Variants in CTNNA2 observed in about 807,000 individuals in gnomAD.
The protein encoded by CTNNA2 is catenin alpha-2.
Under a neutral mutation model 101.0 loss-of-function variants are expected in CTNNA2, and 42 were observed. That is an observed-to-expected ratio of 0.42 (90% CI 0.32 to 0.54). The LOEUF (loss-of-function observed/expected upper bound fraction) is 0.54. Among genes scored for constraint, CTNNA2 ranks in the 20% least tolerant of loss-of-function variants. The probability of loss-of-function intolerance (pLI) is 0.14; values close to 1 mark genes in which losing one functional copy is unlikely to be tolerated. For synonymous variants in CTNNA2, 450 were observed against 456.4 expected (o/e 0.99, Z 0.18); for missense variants, 871 against 1,223.1 (o/e 0.71, Z 4.29).
intron 7 of CTNNA2, among the ~76,000 whole-genome samples, chr2:79,923,210 T>G (rs1686792011): frequency 6.6e-6 from 1 of 152,118 alleles, no homozygotes; most frequent in South Asian, 2.1e-4. Flanking sequence ...AGAATTGGCT[T>G]CAGTATCTAG....
chr2:80,138,472 G>A (rs1258439663), intron 7 of CTNNA2, among the ~76,000 whole-genome samples: 1 of 152,114 alleles, frequency 6.6e-6, no homozygotes, highest in African/African-American at 2.4e-5. Flanking sequence ...CATTAAGCAT[G>A]GAGAATAGTG....
At chr2:80,137,304 A>C (rs962378569) in intron 7 of CTNNA2, among the ~76,000 whole-genome samples, 1 of 152,164 alleles carries the variant, frequency 6.6e-6, no homozygotes, top group Non-Finnish European at 1.5e-5. Context: ...AGTTATAGGC[A>C]ATTGAATTTG....
rs147385514 is a variant in CTNNA2 at position 79,701,651 on chromosome 2, G to A, written c.103-42736G>A. Among the ~76,000 whole-genome samples the A allele has an allele frequency of 1.9e-3, 288 of 152,274 alleles. 1 individual carries two copies. Among genetic ancestry groups the A allele is most frequent in the African/African-American group, 5.1e-3 (213 of 41,562 alleles). On this transcript the variant is annotated intron_variant, in intron 2 of 18. Coordinates refer to ENST00000402739, the MANE Select transcript of CTNNA2 (RefSeq NM_001282597.3). ...CTCAAGCCCAGTCATGAGGGAGACCGGAAGGCATCTCAGGGAAGTTAATGA... is the reference window on the plus strand; with the variant it reads ...CTCAAGCCCAGTCATGAGGGAGACCAGAAGGCATCTCAGGGAAGTTAATGA...
chr2:79,666,024 T>C (rs1434234728), intron 2 of CTNNA2, among the ~76,000 whole-genome samples: 3 of 152,226 alleles, frequency 2.0e-5, no homozygotes, highest in African/African-American at 7.2e-5. Flanking sequence ...CTTCTCAAGC[T>C]TGTTTTTATC....
chr2:79,882,531 T>C (rs933361750), intron 6 of CTNNA2, among the ~76,000 whole-genome samples: 1 of 152,196 alleles, frequency 6.6e-6, no homozygotes, highest in Non-Finnish European at 1.5e-5. Context: ...GGGGAACAAG[T>C]CTTGGGACCA....
chr2:79,797,062 T>C (rs1483337541), intron 3 of CTNNA2, among the ~76,000 whole-genome samples: 3 of 152,222 alleles, frequency 2.0e-5, no homozygotes, highest in Admixed American at 6.5e-5. Context: ...TCTTTAAAAG[T>C]ACCTTTCAAA....
intron 2 of CTNNA2, among the ~76,000 whole-genome samples, chr2:79,205,299 G>A (rs183247986): frequency 1.3e-5 from 2 of 152,318 alleles, no homozygotes; most frequent in East Asian, 3.9e-4. Context: ...GGACATGAGA[G>A]AAAAAGCTTC....
chr2:80,462,866 C>G (rs1287750021), intron 9 of CTNNA2, among the ~76,000 whole-genome samples: 2 of 151,978 alleles, frequency 1.3e-5, no homozygotes, highest in African/African-American at 4.8e-5. Flanking sequence ...TATGAATTCC[C>G]TATCCCTACC....
intron 7 of CTNNA2, among the ~76,000 whole-genome samples, chr2:80,332,649 A>G (rs552464604): frequency 1.3e-5 from 2 of 152,360 alleles, no homozygotes; most frequent in Admixed American, 6.5e-5. Context: ...AACATTTAAG[A>G]AATCAAAGCC....
chr2:80,603,378 C>T (rs1697722441), intron 15 of CTNNA2, among the ~76,000 whole-genome samples: 1 of 151,994 alleles, frequency 6.6e-6, no homozygotes, highest in South Asian at 2.1e-4. Context: ...GGTTTGGAAG[C>T]ACAAAAACAT....
intron 7 of CTNNA2, among the ~76,000 whole-genome samples, chr2:80,306,995 G>C (rs1425841279): frequency 6.6e-6 from 1 of 150,956 alleles, no homozygotes; most frequent in Non-Finnish European, 1.5e-5. Flanking sequence ...TTCTAAGTGT[G>C]CTACTCAAAA....
chr2:79,836,439 A>G (rs1679370383), intron 3 of CTNNA2, among the ~76,000 whole-genome samples: 1 of 152,214 alleles, frequency 6.6e-6, no homozygotes, highest in Non-Finnish European at 1.5e-5. Context: ...TATTTAGATG[A>G]ATCATTTCAC....
upstream of CTNNA2, among the ~76,000 whole-genome samples, chr2:79,508,479 T>C (rs1452736240): frequency 6.6e-6 from 1 of 152,094 alleles, no homozygotes; most frequent in African/African-American, 2.4e-5. Context: ...ATGAGAGAGA[T>C]ACAATTACTA....
chr2:80,348,120 G>T (rs1672941377), intron 7 of CTNNA2, among the ~76,000 whole-genome samples: 1 of 152,096 alleles, frequency 6.6e-6, no homozygotes, highest in African/African-American at 2.4e-5. Flanking sequence ...GACAATTTCT[G>T]AAACAGACTT....
At chr2:80,394,547 C>A (rs1053673198) in intron 8 of CTNNA2, among the ~76,000 whole-genome samples, 1 of 152,174 alleles carries the variant, frequency 6.6e-6, no homozygotes, top group Non-Finnish European at 1.5e-5. Context: ...ATGGCCAGGT[C>A]TCTATCTCTT....
intron 3 of CTNNA2, among the ~76,000 whole-genome samples, chr2:79,358,853 C>T (rs557913491): frequency 3.9e-5 from 6 of 152,300 alleles, no homozygotes; most frequent in Admixed American, 2.0e-4. Flanking sequence ...GTTTTCCATA[C>T]ACTTCCAATC....
chr2:80,173,399 A>G (rs1705194074), intron 7 of CTNNA2, among the ~76,000 whole-genome samples: 1 of 152,264 alleles, frequency 6.6e-6, no homozygotes, highest in African/African-American at 2.4e-5. Context: ...GCATGACTGT[A>G]TCAGTCAGAA....
At chr2:80,410,453 A>G (rs1679466353) in intron 8 of CTNNA2, among the ~76,000 whole-genome samples, 1 of 152,226 alleles carries the variant, frequency 6.6e-6, no homozygotes, top group African/African-American at 2.4e-5. Flanking sequence ...GTCTTATGCA[A>G]TTAATATTCC....
At chr2:79,801,744 C>A (rs1454279986) in intron 3 of CTNNA2, among the ~76,000 whole-genome samples, 1 of 152,090 alleles carries the variant, frequency 6.6e-6, no homozygotes, top group Non-Finnish European at 1.5e-5. Context: ...GTAATCCCAG[C>A]ACTTTGGGAG....
Sources: gnomAD v4.1 joint callset for allele counts (sites outside exome capture counted in the v4.1 genomes callset) on GRCh38, gnomAD v4.1.1 for gene constraint, MANE v1.5 for transcripts, NCBI Gene and HGNC (gene_info 2026-07-23, HGNC 2026-07-21) for gene names.